Variants in TMEM108 observed in about 807,000 individuals in gnomAD.
TMEM108 encodes cancer/testis antigen 124.
TMEM108 carries 12 observed loss-of-function variants against 35.1 expected under a neutral mutation model. That is an observed-to-expected ratio of 0.34 (90% CI 0.22 to 0.55). The LOEUF (loss-of-function observed/expected upper bound fraction) is 0.55, where lower values mean the gene tolerates loss of function less well. TMEM108 is among the 20% of genes least tolerant of loss of function. The pLI is 0.89. For synonymous variants in TMEM108, 287 were observed against 308.6 expected, an observed-to-expected ratio of 0.93 and a Z score of 0.73; for missense variants, 680 against 753.3, an observed-to-expected ratio of 0.90 and a Z score of 1.14.
Position 133,170,293 on chromosome 3 carries a change from A to C in TMEM108, c.-46-58973A>C, listed in dbSNP as rs554964091. Among the ~76,000 whole-genome samples, 16 of 152,346 alleles carry C rather than the reference A, an allele frequency of 1.1e-4. No homozygotes were observed. In the East Asian group the frequency reaches 3.1e-3, roughly 29 times the overall value. On this transcript the variant is annotated intron_variant, in intron 2 of 5. Coordinates refer to ENST00000321871, the MANE Select transcript of TMEM108 (RefSeq NM_023943.4). ...GCAAACACAGGACTAAGTTGTATGA[A>C]ACAGAAAAGACAATGGAGGCCACCC...
intron 3 of TMEM108, among the ~76,000 whole-genome samples, chr3:133,310,606 C>G (rs1468348638): frequency 8.3e-6 from 1 of 120,708 alleles, no homozygotes; most frequent in East Asian, 2.7e-4. Flanking sequence ...TTATTTTGAG[C>G]CTATGTGTGT....
chr3:133,077,425 C>T (rs941092718), intron 2 of TMEM108, among the ~76,000 whole-genome samples: 14 of 152,054 alleles, frequency 9.2e-5, no homozygotes, highest in African/African-American at 3.4e-4. Flanking sequence ...TGAGATAGGG[C>T]GTCCAGGCTA....
intron 3 of TMEM108, among the ~76,000 whole-genome samples, chr3:133,318,213 C>T (rs1303866210): frequency 1.3e-5 from 2 of 152,154 alleles, no homozygotes; most frequent in Non-Finnish European, 2.9e-5. Context: ...GCCAGTAAAA[C>T]AAAGCTACAG....
chr3:133,305,438 G>C (rs569228663), intron 3 of TMEM108, among the ~76,000 whole-genome samples: 1 of 151,484 alleles, frequency 6.6e-6, no homozygotes, highest in African/African-American at 2.4e-5. Context: ...TGGGTGCAGC[G>C]CACCAGCATG....
chr3:133,066,380 A>C (rs1286496770), intron 2 of TMEM108, among the ~76,000 whole-genome samples: 1 of 152,186 alleles, frequency 6.6e-6, no homozygotes, highest in Admixed American at 6.5e-5. Flanking sequence ...ATGGTTTACA[A>C]AGATTCATAA....
chr3:133,158,363 G>A (rs146366073), intron 2 of TMEM108, among the ~76,000 whole-genome samples: 2 of 149,796 alleles, frequency 1.3e-5, no homozygotes, highest in East Asian at 3.9e-4. Context: ...AGCTATTTGA[G>A]AGGCTGAGGC....
At chr3:133,223,344 G>A (rs890329618) in intron 2 of TMEM108, among the ~76,000 whole-genome samples, 4 of 152,172 alleles carry the variant, frequency 2.6e-5, no homozygotes, top group East Asian at 3.9e-4. Context: ...TTCATATCTC[G>A]GTCAGCAGGT....
intron 2 of TMEM108, among the ~76,000 whole-genome samples, chr3:133,130,324 A>G (rs900504041): frequency 3.9e-5 from 6 of 152,182 alleles, no homozygotes; most frequent in African/African-American, 1.2e-4. Context: ...TGAATCTGCA[A>G]TCTGGCCAGG....
In TMEM108 at chr3:133,200,463, C is replaced by T. The variant is rs574277460; in HGVS notation, c.-46-28803C>T. 3.3e-5 allele frequency among the ~76,000 whole-genome samples: 5 copies of T among 152,314 alleles called. No homozygotes were observed. In the East Asian group the frequency reaches 7.7e-4, roughly 24 times the overall value. On this transcript the variant is annotated intron_variant, in intron 2 of 5. Transcript: ENST00000321871. The stretch of plus-strand genomic sequence containing the variant: ...TTGCTGTCCCTAGCCATCCAGCAGT[C>T]GTTCTCACAGTGGCCATGATGTCCA...
chr3:133,165,148 T>A (rs892305210), intron 2 of TMEM108, among the ~76,000 whole-genome samples: 3 of 152,348 alleles, frequency 2.0e-5, no homozygotes. Flanking sequence ...CATCTCTATT[T>A]ACATGGTGTA....
rs532456857 is a variant in TMEM108, at chr3:133,251,806, A to G, written c.40+22455A>G. Among the ~76,000 whole-genome samples, 46 of 152,304 alleles carry G rather than the reference A, an allele frequency of 3.0e-4. No individual in the cohort carries two copies. In the South Asian group the frequency reaches 6.4e-3, roughly 21 times the overall value. ...AGCAAATCTACACTGTGGGAAGGAA[A>G]TGTGAATCTTGGATAGTCAACTAGT... On this transcript the variant is annotated intron_variant, in intron 3 of 5. Coordinates refer to ENST00000321871, the MANE Select transcript of TMEM108 (RefSeq NM_023943.4).
intron 2 of TMEM108, among the ~76,000 whole-genome samples, chr3:133,111,227 A>G (rs1944220502): frequency 1.3e-5 from 2 of 152,172 alleles, no homozygotes; most frequent in South Asian, 4.1e-4. Flanking sequence ...ATTAATCTTG[A>G]AAAAACAGTC....
At chr3:133,330,210 C>T (rs2071379199) in intron 3 of TMEM108, among the ~76,000 whole-genome samples, 1 of 152,166 alleles carries the variant, frequency 6.6e-6, no homozygotes. Flanking sequence ...GCCATGCTTC[C>T]CCTGCGGAAG....
At chr3:133,091,857 T>A (rs564817425) in intron 2 of TMEM108, among the ~76,000 whole-genome samples, 6 of 93,864 alleles carry the variant, frequency 6.4e-5, no homozygotes, top group Non-Finnish European at 1.2e-4. Flanking sequence ...AGACTTCTTA[T>A]AAAAAAAAAA....
intron 3 of TMEM108, among the ~76,000 whole-genome samples, chr3:133,291,171 A>T (rs1487390909): frequency 6.6e-6 from 1 of 152,204 alleles, no homozygotes; most frequent in Non-Finnish European, 1.5e-5. Context: ...CAAAACAAGC[A>T]GTGGGTTGTT....
chr3:133,360,107 T>C (rs1014502497), intron 3 of TMEM108, among the ~76,000 whole-genome samples: 3 of 151,202 alleles, frequency 2.0e-5, no homozygotes, highest in African/African-American at 7.3e-5. Context: ...AAAGATTCTA[T>C]TTAATTTCAT....
intron 2 of TMEM108, among the ~76,000 whole-genome samples, chr3:133,067,748 G>A (rs1943628390): frequency 6.6e-6 from 1 of 152,142 alleles, no homozygotes; most frequent in South Asian, 2.1e-4. Context: ...GCTATGAAGG[G>A]AACATCAGGT....
At chr3:133,179,569 C>T (rs1320433149) in intron 2 of TMEM108, among the ~76,000 whole-genome samples, 10 of 151,928 alleles carry the variant, frequency 6.6e-5, no homozygotes, top group African/African-American at 2.4e-4. Context: ...AAAAACCAAA[C>T]ACCACTTGTT....
rs112067825 is a variant in TMEM108, at chr3:133,386,866, A to G, written c.1451-3314A>G. 2,003 of 615,908 alleles carry G rather than the reference A, an allele frequency of 3.3e-3. 30 individuals carry two copies. In the African/African-American group the frequency reaches 0.033, roughly 10 times the overall value. 38.2% of individuals were successfully genotyped at this position (615,908 alleles called of 1,614,324 possible). On this transcript the variant is annotated intron_variant, in intron 4 of 5. Coordinates refer to ENST00000321871, the MANE Select transcript of TMEM108 (RefSeq NM_023943.4). ...TGCAGTAATTAGTTGGGTGATCAAG[A>G]TCAATACTATTAGCTTCTATGACCT... is the stretch of plus-strand genomic sequence containing the variant.
Sources: allele counts gnomAD v4.1 joint callset (sites outside exome capture counted in the v4.1 genomes callset), GRCh38; gene constraint gnomAD v4.1.1; transcripts MANE v1.5; gene names NCBI Gene and HGNC (gene_info 2026-07-23, HGNC 2026-07-21).